Variants in BSDC1 observed in about 807,000 individuals in gnomAD.
BSDC1 encodes the protein BSD domain-containing protein 1.
BSDC1 carries 29 observed loss-of-function variants against 56.0 expected under a neutral mutation model. The observed-to-expected ratio is 0.52, with a 90% confidence interval of 0.39 to 0.71. The LOEUF (loss-of-function observed/expected upper bound fraction) is 0.71, where lower values mean the gene tolerates loss of function less well. Ranked by LOEUF, BSDC1 falls within the 30% of genes least tolerant of loss-of-function variation. The pLI, the probability that BSDC1 is intolerant of heterozygous loss-of-function variation, is 0.00. For synonymous variants in BSDC1, 210 were observed against 215.3 expected (o/e 0.98, Z 0.21); for missense variants, 477 against 548.5 (o/e 0.87, Z 1.30).
intron 10 of BSDC1, 39 bp downstream of exon 10, chr1:32,368,408 A>AAT (rs1158617354): frequency 6.2e-7 from 1 of 1,614,006 alleles, no homozygotes; most frequent in Admixed American, 1.7e-5. Context: ...ACCCAGGACC[A>AAT]TTAGGCTCGC....
intron 9 of BSDC1, 112 bp from the exon 10 acceptor site, chr1:32,368,662 T>C: frequency 6.9e-7 from 1 of 1,440,640 alleles, no homozygotes; most frequent in Non-Finnish European, 9.4e-7. Flanking sequence ...AATACACAAG[T>C]CTTTACATTT....
Position 32,366,507 on chromosome 1 carries a change from G to T in BSDC1, c.*115C>A. ...GGAGCCACCAGAATCTGTGCCCAGA[G>T]CTCTGGTTGGCAGAGGAGATTTGGG... On this transcript the variant is annotated 3_prime_UTR_variant, in exon 11 of 11. Coordinates refer to ENST00000455895, the MANE Select transcript of BSDC1 (RefSeq NM_018045.8). The T allele has an allele frequency of 9.7e-7, 1 of 1,028,184 alleles. No individual in the cohort carries two copies. Among genetic ancestry groups the T allele is most frequent in the Non-Finnish European group, 1.5e-6 (1 of 669,004 alleles). 63.7% of individuals were successfully genotyped at this position (1,028,184 alleles called of 1,614,324 possible).
rs1249871289 is a variant in BSDC1 at position 32,365,173 on chromosome 1, TTTTC to T, written c.*1445_*1448del. On this transcript the variant is annotated 3_prime_UTR_variant, in exon 11 of 11. Coordinates refer to ENST00000455895, the MANE Select transcript of BSDC1 (RefSeq NM_018045.8). ...GTAAAAGGTTCAGGACAAAGTTCTTTTTTCTTTCTTTTTTAATTATAAAACTAAC... is the reference window on the plus strand; with the variant it reads ...GTAAAAGGTTCAGGACAAAGTTCTTTTTTCTTTTTTAATTATAAAACTAAC... The T allele has an allele frequency of 2.0e-5, 3 of 152,320 alleles. No homozygotes were observed. In the South Asian group the frequency reaches 6.2e-4, roughly 32 times the overall value. 9.4% of individuals were successfully genotyped at this position (152,320 alleles called of 1,614,324 possible).
intron 9 of BSDC1, 58 bp from the exon 10 acceptor site, chr1:32,368,608 G>A (rs1641944768): frequency 6.2e-7 from 1 of 1,609,390 alleles, no homozygotes. Flanking sequence ...GGCACCTGAA[G>A]AGGGTGTAGC....
chr1:32,373,600 C>T (rs1332519485), intron 9 of BSDC1, among the ~76,000 whole-genome samples: 1 of 152,164 alleles, frequency 6.6e-6, no homozygotes, highest in East Asian at 1.9e-4. Context: ...CAACTCACTG[C>T]AGCCTCAACC....
In BSDC1 at chr1:32,364,730, G is replaced by A. The variant is rs1434612402; in HGVS notation, c.*1892C>T. On this transcript the variant is annotated 3_prime_UTR_variant, in exon 11 of 11. Transcript: ENST00000455895. ...TGGGATTACAGGCATGAGCCACTGCGCCTGGCATGACAAGTGATTTTCATA... is the reference window on the plus strand; with the variant it reads ...TGGGATTACAGGCATGAGCCACTGCACCTGGCATGACAAGTGATTTTCATA... Among the ~76,000 whole-genome samples, 2 of 152,182 alleles carry A rather than the reference G, an allele frequency of 1.3e-5. No individual in the cohort carries two copies. The highest frequency in any genetic ancestry group is 2.9e-5 in the Non-Finnish European group (2 of 68,036).
At chr1:32,387,621 G>A (rs565387760) in intron 2 of BSDC1, among the ~76,000 whole-genome samples, 1 of 152,322 alleles carries the variant, frequency 6.6e-6, no homozygotes, top group South Asian at 2.1e-4. Context: ...GATTATAGGC[G>A]TGAGCCACCC....
chr1:32,366,596 T>TG lies in BSDC1; in HGVS notation c.*25dup. ...CGAGGGAGGCGAGAGATGCCATGGG[T>TG]GGGGGAGCTGCTCCCTCTGGCTCCC... On this transcript the variant is annotated 3_prime_UTR_variant, in exon 11 of 11. Transcript: ENST00000455895. 3 of 1,514,560 alleles carry TG rather than the reference T, an allele frequency of 2.0e-6. No individual in the cohort carries two copies. The highest frequency in any genetic ancestry group is 2.7e-6 in the Non-Finnish European group (3 of 1,121,516). The allele number at this position is 1,514,560 out of a possible 1,614,324, so 93.8% of individuals were successfully genotyped here. A position where few individuals can be genotyped will look rare whatever the true frequency, so the allele number is the denominator to read the frequency against.
At position 32,386,192 on chromosome 1, in the gene BSDC1, G is replaced by C. The variant is rs183255254; in HGVS notation, c.189+587C>G. 1.2e-4 allele frequency among the ~76,000 whole-genome samples: 18 copies of C among 151,974 alleles called. No individual in the cohort carries two copies. In the East Asian group the frequency reaches 3.5e-3, roughly 29 times the overall value. On this transcript the variant is annotated intron_variant, in intron 3 of 10. Coordinates refer to ENST00000455895, the MANE Select transcript of BSDC1 (RefSeq NM_018045.8). The stretch of plus-strand genomic sequence containing the variant: ...AAACTAGCCAGGCGTGGTGGCGGGC[G>C]CCTGTAGCCCCAGCTACTTGGGAGG...
At chr1:32,372,425 C>T (rs1642123923) in intron 9 of BSDC1, among the ~76,000 whole-genome samples, 1 of 152,238 alleles carries the variant, frequency 6.6e-6, no homozygotes. Flanking sequence ...ACTGTCTCTT[C>T]AGGCTTAAAT....
intron 9 of BSDC1, among the ~76,000 whole-genome samples, chr1:32,372,328 A>G (rs957540426): frequency 4.6e-5 from 7 of 152,232 alleles, no homozygotes; most frequent in Non-Finnish European, 8.8e-5. Context: ...TGGGTTAGCC[A>G]GACTCTTCGC....
At chr1:32,386,476 CTCTT>C (rs1642676350) in intron 3 of BSDC1, 1 of 293,826 alleles carries the variant, frequency 3.4e-6, no homozygotes, top group Non-Finnish European at 6.4e-6. Context: ...TTCTCTCTCT[CTCTT>C]CCTTTTCTCA....
chr1:32,369,795 T>C (rs1273450039), intron 9 of BSDC1, among the ~76,000 whole-genome samples: 1 of 152,142 alleles, frequency 6.6e-6, no homozygotes, highest in African/African-American at 2.4e-5. Flanking sequence ...TCTGCTCTAG[T>C]TGTTCTTTTT....
At chr1:32,366,882 G>C in intron 10 of BSDC1, 1 of 1,259,996 alleles carries the variant, frequency 7.9e-7, no homozygotes, top group Non-Finnish European at 1.0e-6. Flanking sequence ...CAGACCTAAA[G>C]GAAACACTTC....
chr1:32,365,601 A>G lies in BSDC1; in HGVS notation c.*1021T>C, dbSNP rs1374767771. 2 of 152,554 alleles carry G rather than the reference A, an allele frequency of 1.3e-5. No individual in the cohort carries two copies. The highest frequency in any genetic ancestry group is 2.9e-5 in the Non-Finnish European group (2 of 68,028). 9.5% of individuals were successfully genotyped at this position (152,554 alleles called of 1,614,324 possible). A position where few individuals can be genotyped will look rare whatever the true frequency, so the allele number is the denominator to read the frequency against. ...ACCAGAGTGGAGGGTGAGAGCACAAAGGCTGGGTCTGTCTTCAGGAAGAAG... is the reference window on the plus strand; with the variant it reads ...ACCAGAGTGGAGGGTGAGAGCACAAGGGCTGGGTCTGTCTTCAGGAAGAAG... On this transcript the variant is annotated 3_prime_UTR_variant, in exon 11 of 11. Transcript: ENST00000455895.
chr1:32,387,340 A>AT lies in BSDC1; in HGVS notation c.73-446dup, dbSNP rs1054474865. On this transcript the variant is annotated intron_variant, in intron 2 of 10. Coordinates refer to ENST00000455895, the MANE Select transcript of BSDC1 (RefSeq NM_018045.8). ...AAATAACATGAAAAAAAGGTATGTG[A>AT]TTTTTTTTTTTTTTTCTTGAGACAG... 3.5e-3 allele frequency among the ~76,000 whole-genome samples: 512 copies of AT among 144,774 alleles called. 2 individuals are homozygous for AT. Among genetic ancestry groups the AT allele is most frequent in the Middle Eastern group, 0.011 (3 of 276 alleles). The allele number at this position is 144,774 out of a possible 152,430, so 95.0% of individuals were successfully genotyped here.
At chr1:32,366,768 A>G in intron 10 of BSDC1, 114 bp from the exon 11 acceptor site, 1 of 1,431,212 alleles carries the variant, frequency 7.0e-7, no homozygotes, top group South Asian at 1.5e-5. Context: ...ACCCCAGGCC[A>G]TACTCTGAGG....
At chr1:32,367,319 G>T (rs1042150692) in intron 10 of BSDC1, 95 of 985,358 alleles carry the variant, frequency 9.6e-5, no homozygotes, top group Non-Finnish European at 1.1e-4. Context: ...AGGTTTTAAA[G>T]GGGGCTGCAA....
At chr1:32,383,454 T>TAAA (rs1254003357) in intron 4 of BSDC1, among the ~76,000 whole-genome samples, 1 of 136,368 alleles carries the variant, frequency 7.3e-6, no homozygotes, top group East Asian at 2.1e-4. Flanking sequence ...CCTGTCTCAT[T>TAAA]AAAAAAAAAA....
Sources: gnomAD v4.1 joint callset for allele counts (sites outside exome capture counted in the v4.1 genomes callset) on GRCh38, gnomAD v4.1.1 for gene constraint, MANE v1.5 for transcripts, NCBI Gene and HGNC (gene_info 2026-07-23, HGNC 2026-07-21) for gene names.